The following CHRM3 variants were observed in gnomAD, a reference collection of about 807,000 sequenced individuals.
The protein encoded by CHRM3 is cholinergic receptor muscarinic 3, also known as muscarinic acetylcholine receptor M3.
A neutral mutation model predicts 41.8 loss-of-function variants in CHRM3; 11 were observed. The ratio of observed to expected loss-of-function variants is 0.26; its 90% confidence interval spans 0.17 to 0.44. CHRM3 has a LOEUF of 0.44. Ranked by LOEUF, CHRM3 falls within the 20% of genes least tolerant of loss-of-function variation. The pLI, the probability that CHRM3 is intolerant of heterozygous loss-of-function variation, is 1.00. For synonymous variants in CHRM3, 297 were observed against 301.4 expected (o/e 0.99, Z 0.15); for missense variants, 571 against 745.4 (o/e 0.77, Z 2.72).
At chr1:239,646,018 C>T (rs1671710277) in intron 4 of CHRM3, among the ~76,000 whole-genome samples, 3 of 152,032 alleles carry the variant, frequency 2.0e-5, no homozygotes, top group Admixed American at 2.0e-4. Context: ...ATGCACAATA[C>T]ATGCCAAGTG....
intron 3 of CHRM3, among the ~76,000 whole-genome samples, chr1:239,576,052 A>G (rs1025645615): frequency 2.6e-5 from 4 of 152,144 alleles, no homozygotes; most frequent in African/African-American, 9.7e-5. Flanking sequence ...TACTCTAGGT[A>G]ATGGAGTCCT....
rs758413973 is a variant in CHRM3 at position 239,874,285 on chromosome 1, GTATATATATATATATATATATATATA to G, written c.-19-33131_-19-33106del. Among the ~76,000 whole-genome samples, 18 of 83,296 alleles carry G rather than the reference GTATATATATATATATATATATATATA, an allele frequency of 2.2e-4. 1 individual carries two copies. Among genetic ancestry groups the G allele is most frequent in the African/African-American group, 9.7e-4 (16 of 16,416 alleles). The allele number at this position is 83,296 out of a possible 152,430, so 54.6% of individuals were successfully genotyped here. On this transcript the variant is annotated intron_variant, in intron 6 of 6. Transcript: ENST00000676153. ...AGACCTATATATATCTATATACACAGTATATATATATATATATATATATATATATATATATATATATACACAGTTGA... is the reference window on the plus strand; with the variant it reads ...AGACCTATATATATCTATATACACAGTATATATATATATATACACAGTTGA...
At chr1:239,859,921 T>C (rs1474124970) in intron 6 of CHRM3, among the ~76,000 whole-genome samples, 1 of 149,968 alleles carries the variant, frequency 6.7e-6, no homozygotes, top group East Asian at 2.0e-4. Flanking sequence ...TTGCAAACAG[T>C]AAACCAAAGA....
rs571573776 is a variant in CHRM3 at position 239,618,717 on chromosome 1, A to G, written c.-312-13507A>G. Among the ~76,000 whole-genome samples, 1,289 of 149,010 alleles carry G rather than the reference A, an allele frequency of 8.7e-3. 13 individuals are homozygous for G. The highest frequency in any genetic ancestry group is 0.026 in the African/African-American group (1,041 of 40,668). On this transcript the variant is annotated intron_variant, in intron 3 of 6. Transcript: ENST00000676153. ...AAATTAGCTGGGCGTGGTGGCAGCC[A>G]CCTGTAGTCCCAGCTACTTGGGAGG...
intron 6 of CHRM3, among the ~76,000 whole-genome samples, chr1:239,843,712 CT>C (rs1674026586): frequency 6.6e-6 from 1 of 152,052 alleles, no homozygotes; most frequent in Non-Finnish European, 1.5e-5. Flanking sequence ...GTAGCATGTT[CT>C]TCCCCCCAGA....
At chr1:239,841,529 A>G (rs1673800932) in intron 6 of CHRM3, among the ~76,000 whole-genome samples, 1 of 152,184 alleles carries the variant, frequency 6.6e-6, no homozygotes, top group South Asian at 2.1e-4. Flanking sequence ...CACAGACCCC[A>G]AATTGTTTTT....
At chr1:239,543,069 T>G (rs1572657712) in intron 2 of CHRM3, among the ~76,000 whole-genome samples, 1 of 152,300 alleles carries the variant, frequency 6.6e-6, no homozygotes, top group South Asian at 2.1e-4. Context: ...TCATCACCTT[T>G]CTTAGGCCTT....
intron 3 of CHRM3, among the ~76,000 whole-genome samples, chr1:239,601,907 C>G (rs1665589477): frequency 6.6e-6 from 1 of 151,754 alleles, no homozygotes; most frequent in Non-Finnish European, 1.5e-5. Flanking sequence ...GATACTGCCT[C>G]CGTCTTTCAT....
At chr1:239,584,358 C>G (rs903844649) in intron 3 of CHRM3, among the ~76,000 whole-genome samples, 1 of 152,086 alleles carries the variant, frequency 6.6e-6, no homozygotes, top group African/African-American at 2.4e-5. Context: ...CCCGCCTCAG[C>G]CTCCCAAAGT....
chr1:239,676,686 G>A (rs935636041), intron 4 of CHRM3, among the ~76,000 whole-genome samples: 47 of 152,284 alleles, frequency 3.1e-4, no homozygotes, highest in African/African-American at 1.1e-3. Context: ...TCACCCTGTG[G>A]TATTGGGCAA....
At position 239,410,086 on chromosome 1, in the gene CHRM3, A is replaced by G. The variant is rs150874426; in HGVS notation, c.-521+22859A>G. Among the ~76,000 whole-genome samples, 742 of 152,320 alleles carry G rather than the reference A, an allele frequency of 4.9e-3. 6 individuals are homozygous for G. Among genetic ancestry groups the G allele is most frequent in the African/African-American group, 0.017 (708 of 41,566 alleles). On this transcript the variant is annotated intron_variant, in intron 1 of 6. Coordinates refer to ENST00000676153, the MANE Select transcript of CHRM3 (RefSeq NM_001375978.1). ...AGTTATCTAGTGTTCTTTCTTTACT[A>G]TCATTTTAAGAAGCATTTTAGTGTA...
At chr1:239,719,936 G>A (rs2148323733) in intron 5 of CHRM3, among the ~76,000 whole-genome samples, 1 of 152,094 alleles carries the variant, frequency 6.6e-6, no homozygotes, top group South Asian at 2.1e-4. Flanking sequence ...AAAGGACATT[G>A]TGTGTGTGTT....
intron 3 of CHRM3, among the ~76,000 whole-genome samples, chr1:239,561,595 G>GAATAGATAATAGTAATAGTATCTATT (rs1660863913): frequency 1.3e-5 from 2 of 151,414 alleles, no homozygotes; most frequent in South Asian, 2.1e-4. Context: ...TATATATTAA[G>GAATAGATAATAGTAATAGTATCTATT]AATAGATAAT....
At chr1:239,593,885 C>G (rs540356803) in intron 3 of CHRM3, among the ~76,000 whole-genome samples, 1 of 152,068 alleles carries the variant, frequency 6.6e-6, no homozygotes, top group Non-Finnish European at 1.5e-5. Flanking sequence ...TCAAATCCAC[C>G]GATAAGCAAG....
chr1:239,654,217 G>T (rs1672504198), intron 4 of CHRM3, among the ~76,000 whole-genome samples: 1 of 152,118 alleles, frequency 6.6e-6, no homozygotes, highest in South Asian at 2.1e-4. Flanking sequence ...CAATCCTCTT[G>T]CTTAGGCCTC....
intron 4 of CHRM3, among the ~76,000 whole-genome samples, chr1:239,633,024 G>C (rs1018040875): frequency 4.6e-5 from 7 of 152,228 alleles, no homozygotes; most frequent in African/African-American, 1.7e-4. Context: ...CCAGGCTGGA[G>C]TGCAGTGGCG....
At chr1:239,586,714 C>CA (rs372209421) in intron 3 of CHRM3, among the ~76,000 whole-genome samples, 2 of 151,092 alleles carry the variant, frequency 1.3e-5, no homozygotes, top group African/African-American at 2.4e-5. Flanking sequence ...GACACTCAGG[C>CA]AAAAAAAAGT....
At chr1:239,495,764 G>A (rs750287241) in intron 2 of CHRM3, among the ~76,000 whole-genome samples, 3 of 152,016 alleles carry the variant, frequency 2.0e-5, no homozygotes, top group South Asian at 2.1e-4. Flanking sequence ...AGTTTCCAGC[G>A]TTTAGTAAGC....
At chr1:239,830,504 C>T (rs1218816606) in intron 6 of CHRM3, among the ~76,000 whole-genome samples, 4 of 152,092 alleles carry the variant, frequency 2.6e-5, no homozygotes, top group East Asian at 1.9e-4. Flanking sequence ...GAGTTCGAGA[C>T]CAGCCTGGAC....
Sources: gnomAD v4.1 joint callset for allele counts (sites outside exome capture counted in the v4.1 genomes callset) on GRCh38, gnomAD v4.1.1 for gene constraint, MANE v1.5 for transcripts, NCBI Gene and HGNC (gene_info 2026-07-23, HGNC 2026-07-21) for gene names.